TTLL5: variants seen among roughly 807,000 people sequenced by gnomAD.
TTLL5 encodes tubulin polyglutamylase TTLL5.
Under a neutral mutation model 168.4 loss-of-function variants are expected in TTLL5, and 132 were observed. That is an observed-to-expected ratio of 0.78 (90% confidence interval 0.68 to 0.91). The LOEUF (loss-of-function observed/expected upper bound fraction) is 0.91. Among genes scored for constraint, TTLL5 ranks in the 40% least tolerant of loss-of-function variants. The pLI, the probability that TTLL5 is intolerant of heterozygous loss-of-function variation, is 0.00. For synonymous variants in TTLL5, 546 were observed against 558.6 expected, an observed-to-expected ratio of 0.98 and a Z score of 0.32; for missense variants, 1,545 against 1,581.5, an observed-to-expected ratio of 0.98 and a Z score of 0.39.
At chr14:75,748,582 C>G (rs1455339502) in intron 17 of TTLL5, among the ~76,000 whole-genome samples, 1 of 152,160 alleles carries the variant, frequency 6.6e-6, no homozygotes, top group Non-Finnish European at 1.5e-5. Flanking sequence ...TGGCCTGGTG[C>G]CACTCATTTC....
chr14:75,695,616 T>A (rs941931404), intron 6 of TTLL5, among the ~76,000 whole-genome samples: 1 of 152,038 alleles, frequency 6.6e-6, no homozygotes. Flanking sequence ...GCTTTAAAAT[T>A]TCTCTCTTTT....
At chr14:75,945,002 G>C (rs910629984) in intron 31 of TTLL5, among the ~76,000 whole-genome samples, 3 of 151,916 alleles carry the variant, frequency 2.0e-5, no homozygotes, top group Non-Finnish European at 4.4e-5. Context: ...GCAGACCACT[G>C]CATCTGCATA....
intron 27 of TTLL5, among the ~76,000 whole-genome samples, chr14:75,811,175 G>GTGTGTGTGTGTA (rs1893990282): frequency 6.7e-6 from 1 of 149,716 alleles, no homozygotes; most frequent in East Asian, 1.9e-4. Flanking sequence ...GTGTGTGTGT[G>GTGTGTGTGTGTA]TGTGTGTGTG....
chr14:75,917,041 T>C (rs974979716), intron 31 of TTLL5, among the ~76,000 whole-genome samples: 4 of 151,912 alleles, frequency 2.6e-5, no homozygotes, highest in African/African-American at 9.7e-5. Context: ...GAGAGGGGAA[T>C]AGGATGTTTT....
At chr14:75,750,326 A>G (rs1889869066) in intron 17 of TTLL5, among the ~76,000 whole-genome samples, 3 of 151,698 alleles carry the variant, frequency 2.0e-5, no homozygotes, top group African/African-American at 7.3e-5. Context: ...TCAGCAGAGG[A>G]TTATCAGCGG....
chr14:75,922,291 G>T (rs2033855407), intron 31 of TTLL5, among the ~76,000 whole-genome samples: 1 of 152,076 alleles, frequency 6.6e-6, no homozygotes, highest in Non-Finnish European at 1.5e-5. Context: ...GGTGAGAGAG[G>T]GCATCCTTGT....
chr14:75,716,093 G>A (rs373017324), intron 9 of TTLL5, among the ~76,000 whole-genome samples: 37 of 152,140 alleles, frequency 2.4e-4, no homozygotes, highest in Non-Finnish European at 4.1e-4. Flanking sequence ...GGGCCCCTTT[G>A]CATCTCACAA....
intron 11 of TTLL5, 93 bp from the exon 12 acceptor site, chr14:75,720,503 A>G (rs1285153055): frequency 4.6e-5 from 44 of 958,604 alleles, no homozygotes; most frequent in Admixed American, 1.4e-4. Context: ...GAATGAGCAC[A>G]CATGCTTTTA....
At chr14:75,846,479 G>C (rs1264197543) in intron 28 of TTLL5, among the ~76,000 whole-genome samples, 2 of 152,154 alleles carry the variant, frequency 1.3e-5, no homozygotes, top group Non-Finnish European at 2.9e-5. Context: ...ATGATATCAT[G>C]ATAAGATGTA....
chr14:75,782,481 T>A lies in TTLL5; in HGVS notation c.2516-6T>A, dbSNP rs752157376. On this transcript the variant is annotated splice_region_variant and splice_polypyrimidine_tract_variant and intron_variant, in intron 24 of 31. Coordinates refer to ENST00000298832, the MANE Select transcript of TTLL5 (RefSeq NM_015072.5). The stretch of plus-strand genomic sequence containing the variant: ...GAGAGTCCAAGCTCATTATTTCTTA[T>A]TTCAGATCACCCTGAGACTATAATG... 7.5e-6 allele frequency: 12 copies of A among 1,610,264 alleles called. No homozygotes were observed. Among genetic ancestry groups the A allele is most frequent in the Non-Finnish European group, 1.0e-5 (12 of 1,178,156 alleles).
chr14:75,940,526 T>C (rs1304164376), intron 31 of TTLL5, among the ~76,000 whole-genome samples: 2 of 152,242 alleles, frequency 1.3e-5, no homozygotes, highest in African/African-American at 4.8e-5. Flanking sequence ...GCTTCGAAAC[T>C]AGCATGGTAG....
In TTLL5 at chr14:75,924,302, T is replaced by TA. The variant is rs1259283792; in HGVS notation, c.3823+22079dup. ...GTTATTTTGCCTGTTTTTTTTTTTT[T>TA]ATTGATCATTCTTGGGTGTTTCTCG... On this transcript the variant is annotated intron_variant, in intron 31 of 31. Coordinates refer to ENST00000298832, the MANE Select transcript of TTLL5 (RefSeq NM_015072.5). 5.3e-5 allele frequency among the ~76,000 whole-genome samples: 8 copies of TA among 151,734 alleles called. 1 individual carries two copies. Among genetic ancestry groups the TA allele is most frequent in the Non-Finnish European group, 7.4e-5 (5 of 67,998 alleles).
At chr14:75,901,631 G>A (rs1433077486) in intron 30 of TTLL5, among the ~76,000 whole-genome samples, 2 of 152,188 alleles carry the variant, frequency 1.3e-5, no homozygotes, top group Non-Finnish European at 2.9e-5. Flanking sequence ...CCCCACAGTT[G>A]TGATAACCAC....
At chr14:75,665,665 C>T (rs897018925) in intron 2 of TTLL5, among the ~76,000 whole-genome samples, 4 of 152,120 alleles carry the variant, frequency 2.6e-5, no homozygotes, top group Non-Finnish European at 5.9e-5. Context: ...TTGAGACCAG[C>T]CTGGCCAATA....
chr14:75,874,849 C>T (rs1265743350), intron 29 of TTLL5, among the ~76,000 whole-genome samples: 2 of 146,054 alleles, frequency 1.4e-5, no homozygotes, highest in East Asian at 2.2e-4. Context: ...TGCACATGTA[C>T]ATATGGTATT....
intron 31 of TTLL5, among the ~76,000 whole-genome samples, chr14:75,905,662 C>G (rs543653716): frequency 3.9e-5 from 6 of 152,278 alleles, no homozygotes; most frequent in African/African-American, 1.4e-4. Flanking sequence ...CGTTGGCCTT[C>G]CTTCTTTATA....
intron 31 of TTLL5, among the ~76,000 whole-genome samples, chr14:75,943,051 G>T (rs1319931646): frequency 6.6e-6 from 1 of 152,138 alleles, no homozygotes; most frequent in Non-Finnish European, 1.5e-5. Context: ...ATAAAGATGG[G>T]TTAGCTACAG....
chr14:75,900,495 A>G (rs1020312256), intron 30 of TTLL5, among the ~76,000 whole-genome samples: 3 of 152,156 alleles, frequency 2.0e-5, no homozygotes, highest in Non-Finnish European at 2.9e-5. Flanking sequence ...CAATGATGAT[A>G]TGAATCACCT....
intron 27 of TTLL5, among the ~76,000 whole-genome samples, chr14:75,800,528 G>A (rs1400768365): frequency 6.6e-6 from 1 of 152,098 alleles, no homozygotes; most frequent in Non-Finnish European, 1.5e-5. Context: ...GTGATCTTTT[G>A]GGAGTGTTAA....
Sources: allele counts gnomAD v4.1 joint callset (sites outside exome capture counted in the v4.1 genomes callset), GRCh38; gene constraint gnomAD v4.1.1; transcripts MANE v1.5; gene names NCBI Gene and HGNC (gene_info 2026-07-23, HGNC 2026-07-21).